Variants in NTM observed in about 807,000 individuals in gnomAD.
NTM encodes the protein neurotrimin, also known as IgLON family member 2.
In NTM, 13 loss-of-function variants were observed where a neutral mutation model predicts 42.1. The observed-to-expected ratio is 0.31, with a 90% CI of 0.20 to 0.49. NTM has a LOEUF of 0.49. Among genes scored for constraint, NTM ranks in the 20% least tolerant of loss-of-function variants. NTM has a pLI of 0.99. For missense variants in NTM, 373 were observed against 452.8 expected (o/e 0.82, Z 1.60); for synonymous variants, 187 against 179.2 (o/e 1.04, Z -0.35).
At position 131,633,664 on chromosome 11, in the gene NTM, T is replaced by TCCCTCTCTCC. The variant is rs1343572082; in HGVS notation, c.82+262778_82+262787dup. Among the ~76,000 whole-genome samples, 255 of 128,428 alleles carry TCCCTCTCTCC rather than the reference T, an allele frequency of 2.0e-3. 1 individual carries two copies. Among genetic ancestry groups the TCCCTCTCTCC allele is most frequent in the Non-Finnish European group, 3.1e-3 (188 of 60,548 alleles). The allele number at this position is 128,428 out of a possible 152,430, so 84.3% of individuals were successfully genotyped here. A position where few individuals can be genotyped will look rare whatever the true frequency, so the allele number is the denominator to read the frequency against. On this transcript the variant is annotated intron_variant, in intron 1 of 8. Transcript: ENST00000683400. ...CTCTCTCCCTCTCTCTCCCTCTCTC[T>TCCCTCTCTCC]CCCTCTCTCCCTCCCTCTCTCTCTC...
intron 1 of NTM, among the ~76,000 whole-genome samples, chr11:131,845,758 T>TA (rs1406750704): frequency 6.6e-6 from 1 of 151,882 alleles, no homozygotes; most frequent in East Asian, 1.9e-4. Flanking sequence ...TGTAATATTT[T>TA]AAAAAAATAA....
chr11:131,843,717 C>T (rs1381485829), intron 1 of NTM, among the ~76,000 whole-genome samples: 2 of 152,156 alleles, frequency 1.3e-5, no homozygotes, highest in South Asian at 4.1e-4. Flanking sequence ...AGGCAATTTT[C>T]TGGGTATATA....
intron 2 of NTM, among the ~76,000 whole-genome samples, chr11:131,948,733 A>G (rs1565803991): frequency 1.3e-5 from 2 of 152,202 alleles, no homozygotes; most frequent in African/African-American, 2.4e-5. Context: ...GGCAACTGAT[A>G]TAAAATGGCC....
intron 2 of NTM, among the ~76,000 whole-genome samples, chr11:132,030,584 TA>T (rs1314388143): frequency 2.6e-5 from 4 of 152,198 alleles, no homozygotes; most frequent in Non-Finnish European, 2.9e-5. Context: ...CCCTCTTTGT[TA>T]AGATAATATT....
intron 3 of NTM, among the ~76,000 whole-genome samples, chr11:132,185,651 TAAAG>T (rs1427683670): frequency 6.6e-6 from 1 of 152,154 alleles, no homozygotes; most frequent in East Asian, 1.9e-4. Context: ...TCTCCATTAA[TAAAG>T]AAAAAGAGTG....
chr11:131,457,187 C>A (rs927096057), intron 1 of NTM, among the ~76,000 whole-genome samples: 1 of 152,138 alleles, frequency 6.6e-6, no homozygotes, highest in Non-Finnish European at 1.5e-5. Context: ...AACTAACTAG[C>A]AAACATATAA....
intron 1 of NTM, among the ~76,000 whole-genome samples, chr11:131,505,579 G>A (rs2047385017): frequency 6.6e-6 from 1 of 152,146 alleles, no homozygotes; most frequent in East Asian, 1.9e-4. Flanking sequence ...AATTTGTCCT[G>A]GATCACACAG....
chr11:132,059,747 C>T (rs1296910772), intron 2 of NTM, among the ~76,000 whole-genome samples: 1 of 151,598 alleles, frequency 6.6e-6, no homozygotes, highest in Non-Finnish European at 1.5e-5. Context: ...CCCCCATCAC[C>T]CCCTGCCACG....
intron 1 of NTM, among the ~76,000 whole-genome samples, chr11:131,583,022 T>C (rs7479350): frequency 6.6e-6 from 1 of 152,236 alleles, no homozygotes; most frequent in Non-Finnish European, 1.5e-5. Context: ...ATCTTCTAGA[T>C]GTTCCTCTTT....
chr11:131,463,462 C>T (rs1237133234), intron 1 of NTM, among the ~76,000 whole-genome samples: 1 of 152,222 alleles, frequency 6.6e-6, no homozygotes, highest in Non-Finnish European at 1.5e-5. Context: ...TCATCTGTAC[C>T]TTGCTGTGTG....
intron 2 of NTM, among the ~76,000 whole-genome samples, chr11:132,111,090 A>G (rs1442724068): frequency 8.9e-5 from 8 of 89,554 alleles, no homozygotes; most frequent in Admixed American, 1.1e-4. Context: ...AAAAAAAAAA[A>G]AAAAAAAAAA....
intron 1 of NTM, among the ~76,000 whole-genome samples, chr11:131,550,027 G>A (rs867232526): frequency 6.6e-6 from 1 of 152,182 alleles, no homozygotes; most frequent in Non-Finnish European, 1.5e-5. Context: ...GCTCAGGGGA[G>A]GCATGAGGCT....
chr11:131,891,445 T>C (rs1233127561), intron 1 of NTM, among the ~76,000 whole-genome samples: 2 of 152,146 alleles, frequency 1.3e-5, no homozygotes, highest in East Asian at 3.9e-4. Context: ...GGAATCTAAA[T>C]GGTGTGGTGA....
chr11:131,424,595 C>CTTTTTTTTTTTTTTTTTT lies in NTM; in HGVS notation c.82+53711_82+53712insTTTTTTTTTTTTTTTTTT, dbSNP rs1446801058. On this transcript the variant is annotated intron_variant, in intron 1 of 8. Coordinates refer to ENST00000683400, the MANE Select transcript of NTM (RefSeq NM_001352005.2). ...TGCTTAGTTGTTTTTTATTTCTTTTCTTTTCTTTTTTTTTTTTTTTTTTGG... is the reference window on the plus strand; with the variant it reads ...TGCTTAGTTGTTTTTTATTTCTTTTCTTTTTTTTTTTTTTTTTTTTTTCTTTTTTTTTTTTTTTTTTGG... 2.9e-3 allele frequency among the ~76,000 whole-genome samples: 116 copies of CTTTTTTTTTTTTTTTTTT among 39,590 alleles called. 12 individuals are homozygous for CTTTTTTTTTTTTTTTTTT. The East Asian group carries it at 0.033, about 11-fold the overall frequency. 26.0% of individuals were successfully genotyped at this position (39,590 alleles called of 152,430 possible). A position where few individuals can be genotyped will look rare whatever the true frequency, so the allele number is the denominator to read the frequency against.
intron 2 of NTM, among the ~76,000 whole-genome samples, chr11:132,131,567 G>A (rs1016721394): frequency 2.0e-5 from 3 of 152,118 alleles, no homozygotes; most frequent in African/African-American, 7.2e-5. Context: ...AAGTAGGGAG[G>A]GGTGCTGTAG....
intron 1 of NTM, among the ~76,000 whole-genome samples, chr11:131,459,212 A>G (rs757255860): frequency 1.3e-5 from 2 of 152,270 alleles, no homozygotes; most frequent in Non-Finnish European, 2.9e-5. Context: ...CAGGGGCCAC[A>G]GGCCTCTTGC....
chr11:131,946,584 T>A (rs2060368056), intron 2 of NTM, among the ~76,000 whole-genome samples: 1 of 152,206 alleles, frequency 6.6e-6, no homozygotes, highest in African/African-American at 2.4e-5. Flanking sequence ...GAAGAGAACT[T>A]TATCTTTCTT....
Position 131,446,412 on chromosome 11 carries a change from T to C in NTM, c.82+75524T>C, listed in dbSNP as rs1240831735. ...CCCAAATTTCCCTTTTCTTTCCTTT[T>C]AGAATTTCCAAAAGAGCACACTCAG... On this transcript the variant is annotated intron_variant, in intron 1 of 8. Coordinates refer to ENST00000683400, the MANE Select transcript of NTM (RefSeq NM_001352005.2). Among the ~76,000 whole-genome samples, 4 of 152,186 alleles carry C rather than the reference T, an allele frequency of 2.6e-5. No individual in the cohort carries two copies. The East Asian group carries it at 5.8e-4, about 22-fold the overall frequency.
intron 4 of NTM, among the ~76,000 whole-genome samples, chr11:132,286,661 G>A (rs956181338): frequency 1.3e-5 from 2 of 152,206 alleles, no homozygotes; most frequent in Middle Eastern, 3.4e-3. Flanking sequence ...GGGGATATTC[G>A]AATATGCATG....
Sources: allele counts gnomAD v4.1 joint callset (sites outside exome capture counted in the v4.1 genomes callset), GRCh38; gene constraint gnomAD v4.1.1; transcripts MANE v1.5; gene names NCBI Gene and HGNC (gene_info 2026-07-23, HGNC 2026-07-21).